Variants in TDRP observed in about 807,000 individuals in gnomAD.
TDRP encodes testis development related protein.
A neutral mutation model predicts 10.5 loss-of-function variants in TDRP; 12 were observed. That is an observed-to-expected ratio of 1.15 (90% CI 0.73 to 1.86). The LOEUF (loss-of-function observed/expected upper bound fraction) is 1.86. Ranked by LOEUF, TDRP falls within the 40% of genes most tolerant of loss-of-function variation. The pLI, the probability that TDRP is intolerant of heterozygous loss-of-function variation, is 0.00. For synonymous variants in TDRP, 139 were observed against 95.4 expected, an observed-to-expected ratio of 1.46 and a Z score of -2.67; for missense variants, 353 against 229.2, an observed-to-expected ratio of 1.54 and a Z score of -3.49.
intron 1 of TDRP, among the ~76,000 whole-genome samples, chr8:515,404 G>C (rs755824203): frequency 1.3e-5 from 2 of 152,188 alleles, no homozygotes; most frequent in Non-Finnish European, 2.9e-5. Context: ...TGAGATGCTT[G>C]GAACCAGAAG....
intron 1 of TDRP, among the ~76,000 whole-genome samples, chr8:510,091 C>T (rs1276149266): frequency 6.6e-6 from 1 of 152,196 alleles, no homozygotes; most frequent in East Asian, 1.9e-4. Flanking sequence ...GTGTGTCATT[C>T]ACCCAGCCCG....
intron 1 of TDRP, among the ~76,000 whole-genome samples, chr8:529,746 T>C (rs967574054): frequency 8.5e-5 from 13 of 152,212 alleles, no homozygotes; most frequent in Admixed American, 2.0e-4. Flanking sequence ...GATAATCTTA[T>C]GGGAGCTCCC....
intron 1 of TDRP, among the ~76,000 whole-genome samples, chr8:518,050 C>T (rs371922727): frequency 1.3e-5 from 2 of 152,276 alleles, no homozygotes; most frequent in African/African-American, 4.8e-5. Context: ...CACGTGCCAC[C>T]GTACACTCAT....
intron 1 of TDRP, among the ~76,000 whole-genome samples, chr8:531,239 C>A (rs1171423379): frequency 1.3e-5 from 2 of 152,122 alleles, no homozygotes; most frequent in African/African-American, 2.4e-5. Flanking sequence ...ACTGTGACTT[C>A]TAAACTGGTT....
At position 491,909 on chromosome 8, in the gene TDRP, A is replaced by G; in HGVS notation, c.*490T>C. The G allele has an allele frequency of 8.7e-7, 1 of 1,150,574 alleles. No homozygotes were observed. Among genetic ancestry groups the G allele is most frequent in the East Asian group, 4.3e-5 (1 of 23,008 alleles). The allele number at this position is 1,150,574 out of a possible 1,614,324, so 71.3% of individuals were successfully genotyped here. On this transcript the variant is annotated 3_prime_UTR_variant, in exon 3 of 3. Transcript: ENST00000324079. ...ATTTGTTTAATAAGAACAAAGTTTA[A>G]TTTGTCAAGTTAAACAAAATTTAAC...
intron 1 of TDRP, among the ~76,000 whole-genome samples, chr8:536,408 T>G (rs1042021397): frequency 6.6e-6 from 1 of 152,232 alleles, no homozygotes; most frequent in Admixed American, 6.5e-5. Context: ...TTTTTAATTA[T>G]TCAAATTTCA....
At chr8:512,840 CATG>C (rs1267158973) in intron 1 of TDRP, among the ~76,000 whole-genome samples, 13 of 151,718 alleles carry the variant, frequency 8.6e-5, no homozygotes, top group African/African-American at 2.9e-4. Flanking sequence ...GGCATGGTGG[CATG>C]TGCCTGTAAT....
At chr8:510,011 G>A (rs867873023) in intron 1 of TDRP, among the ~76,000 whole-genome samples, 3 of 152,090 alleles carry the variant, frequency 2.0e-5, no homozygotes, top group Non-Finnish European at 2.9e-5. Flanking sequence ...CAGAGCAACC[G>A]AATTTAGACA....
At chr8:512,557 A>C (rs572200861) in intron 1 of TDRP, among the ~76,000 whole-genome samples, 4 of 152,202 alleles carry the variant, frequency 2.6e-5, no homozygotes, top group Non-Finnish European at 4.4e-5. Flanking sequence ...ATAAATCAAG[A>C]ATATAAAGAA....
intron 1 of TDRP, among the ~76,000 whole-genome samples, chr8:521,971 A>G (rs1303203627): frequency 3.3e-5 from 5 of 152,086 alleles, no homozygotes; most frequent in African/African-American, 7.2e-5. Context: ...TGATGCTATT[A>G]TAAGTGTTTT....
intron 1 of TDRP, among the ~76,000 whole-genome samples, chr8:511,222 T>C (rs976463132): frequency 2.6e-5 from 4 of 152,120 alleles, no homozygotes; most frequent in Admixed American, 6.5e-5. Flanking sequence ...TCCAACTAAA[T>C]ACTGCCTATA....
chr8:514,796 T>C (rs910084615), intron 1 of TDRP, among the ~76,000 whole-genome samples: 4 of 151,910 alleles, frequency 2.6e-5, no homozygotes, highest in Admixed American at 6.6e-5. Flanking sequence ...GGAACATGTG[T>C]TGAGTGTGCC....
chr8:512,266 ACAACAAC>A (rs1300972558), intron 1 of TDRP, among the ~76,000 whole-genome samples: 1 of 124,216 alleles, frequency 8.1e-6, no homozygotes, highest in Non-Finnish European at 1.9e-5. Flanking sequence ...TACAACAACA[ACAACAAC>A]AAAAAAAAAA....
intron 1 of TDRP, among the ~76,000 whole-genome samples, chr8:539,183 G>A (rs947565507): frequency 2.0e-5 from 3 of 152,198 alleles, no homozygotes; most frequent in East Asian, 3.9e-4. Context: ...GATGGCATGT[G>A]CAGGTGGGTA....
intron 1 of TDRP, among the ~76,000 whole-genome samples, chr8:512,834 TGGTGG>T (rs1262773491): frequency 8.8e-5 from 13 of 148,420 alleles, no homozygotes; most frequent in African/African-American, 3.2e-4. Context: ...TAGCTGGGCA[TGGTGG>T]CATGTGCCTG....
chr8:528,650 C>G (rs1282849306), intron 1 of TDRP, among the ~76,000 whole-genome samples: 2 of 130,816 alleles, frequency 1.5e-5, no homozygotes, highest in Non-Finnish European at 3.5e-5. Flanking sequence ...GTTTGTAACA[C>G]AAAGGATAAA....
rs1801013839 is a variant in TDRP, at chr8:492,644, C to T, written c.313G>A (p.Glu105Lys). The change falls in exon 3 of 3, where the codon GAA (glutamate) becomes AAA (lysine). Residue 105 changes from glutamate to lysine, a missense_variant. Glu to Lys is a moderately conservative substitution (Grantham distance 56, BLOSUM62 1). Transcript: ENST00000324079. ...TTTGGAGGCTCCCAACCTTCAATTT[C>T]ATCTGGTTTTTTAGACTGTATATTC... The part of the protein sequence containing the change: ...KQNIQSKKPD[E>K]IEGWEPPKLA... 4 of 1,614,008 alleles carry T rather than the reference C, an allele frequency of 2.5e-6. No homozygotes were observed. The South Asian group carries it at 4.4e-5, about 18-fold the overall frequency.
At chr8:513,708 C>G (rs944523885) in intron 1 of TDRP, among the ~76,000 whole-genome samples, 1 of 152,192 alleles carries the variant, frequency 6.6e-6, no homozygotes, top group Non-Finnish European at 1.5e-5. Context: ...ATGAAACTAT[C>G]TCTATTTGCT....
chr8:494,543 C>G lies in TDRP; in HGVS notation c.163G>C (p.Asp55His). The G allele has an allele frequency of 6.2e-7, 1 of 1,613,984 alleles. No homozygotes were observed. Among genetic ancestry groups the G allele is most frequent in the Non-Finnish European group, 8.5e-7 (1 of 1,179,878 alleles). Residue 55 changes from aspartate to histidine, a missense_variant, in exon 2 of 3, where the codon GAT becomes CAT. Coordinates refer to ENST00000324079, the MANE Select transcript of TDRP (RefSeq NM_001384899.1). ...WKEVTSLFNKDDEQHLLERCK... is the reference protein window; with the variant it reads ...WKEVTSLFNKHDEQHLLERCK... ...CTTTCCAGGAGATGCTGCTCATCAT[C>G]TTTGTTAAACAGTGAAGTCACTTCT...
Sources: gnomAD v4.1 joint callset for allele counts (sites outside exome capture counted in the v4.1 genomes callset) on GRCh38, gnomAD v4.1.1 for gene constraint, MANE v1.5 for transcripts, NCBI Gene and HGNC (gene_info 2026-07-23, HGNC 2026-07-21) for gene names.